Variants in CHL1 observed in about 807,000 individuals in gnomAD.
CHL1 encodes the protein cell adhesion molecule L1 like, also known as neural cell adhesion molecule L1-like protein.
CHL1 carries 96 observed loss-of-function variants against 141.9 expected under a neutral mutation model. That is an observed-to-expected ratio of 0.68 (90% CI 0.57 to 0.80). The LOEUF is 0.80. CHL1 is among the 30% of genes least tolerant of loss of function. The pLI, the probability that CHL1 is intolerant of heterozygous loss-of-function variation, is 0.00. For synonymous variants in CHL1, 613 were observed against 502.2 expected (o/e 1.22, Z -2.95); for missense variants, 1,820 against 1,457.2 (o/e 1.25, Z -4.05).
chr3:318,270 G>T (rs1192130761), intron 2 of CHL1, among the ~76,000 whole-genome samples: 1 of 151,762 alleles, frequency 6.6e-6, no homozygotes, highest in Non-Finnish European at 1.5e-5. Flanking sequence ...AATATCTTAA[G>T]ATGCAATTTA....
At position 342,006 on chromosome 3, in the gene CHL1, C is replaced by T. The variant is rs180907250; in HGVS notation, c.603C>T (p.Asp201=). 3 of 1,613,560 alleles carry T rather than the reference C, an allele frequency of 1.9e-6. No homozygotes were observed. The highest frequency in any genetic ancestry group is 1.3e-5 in the African/African-American group (1 of 75,028). The change falls in exon 7 of 28, where the codon GAC becomes GAT. Residue 201 remains aspartate, a synonymous_variant. Coordinates refer to ENST00000256509, the MANE Select transcript of CHL1 (RefSeq NM_006614.4). ...TGGAAGAAAAGGACAGTCGCAATGACTACTGTTGCTTTGCTGCATTTCCAA... is the reference window on the plus strand; with the variant it reads ...TGGAAGAAAAGGACAGTCGCAATGATTACTGTTGCTTTGCTGCATTTCCAA... ...ANVEEKDSRN[D]YCCFAAFPRL... is the part of the protein sequence containing the mutation.
intron 15 of CHL1, among the ~76,000 whole-genome samples, chr3:367,851 T>C (rs982081801): frequency 1.3e-5 from 2 of 152,026 alleles, no homozygotes; most frequent in Non-Finnish European, 2.9e-5. Flanking sequence ...CCATATGTTC[T>C]CATTGTTCTT....
chr3:331,725 A>G (rs1393692711), intron 5 of CHL1, among the ~76,000 whole-genome samples: 1 of 152,232 alleles, frequency 6.6e-6, no homozygotes, highest in Non-Finnish European at 1.5e-5. Context: ...GTATGTATTC[A>G]TAAATAATTT....
chr3:340,718 A>G, intron 5 of CHL1, 76 bp from the exon 6 acceptor site: 4 of 1,223,764 alleles, frequency 3.3e-6, no homozygotes, highest in South Asian at 1.5e-5. Flanking sequence ...TTGAAAAAAA[A>G]GAACATATTA....
Position 285,570 on chromosome 3 carries a change from A to G in CHL1, c.-94-34113A>G, listed in dbSNP as rs180674987. 3.1e-3 allele frequency among the ~76,000 whole-genome samples: 477 copies of G among 152,302 alleles called. 2 individuals are homozygous for G. The highest frequency in any genetic ancestry group is 0.011 in the African/African-American group (456 of 41,562). Reference sequence around the variant, plus strand: ...CAAGTCTCACTGGGCTCCAGAGAAGAAGCCTGACTCCTCCCCAGCTGTGTA... The same window carrying G: ...CAAGTCTCACTGGGCTCCAGAGAAGGAGCCTGACTCCTCCCCAGCTGTGTA... On this transcript the variant is annotated intron_variant, in intron 2 of 27. Coordinates refer to ENST00000256509, the MANE Select transcript of CHL1 (RefSeq NM_006614.4).
chr3:399,477 T>A (rs902462528), intron 26 of CHL1, among the ~76,000 whole-genome samples: 1 of 151,958 alleles, frequency 6.6e-6, no homozygotes, highest in Non-Finnish European at 1.5e-5. Flanking sequence ...CCGTCTCTAC[T>A]AAAAATACAA....
chr3:323,205 A>G lies in CHL1; in HGVS notation c.92-2754A>G, dbSNP rs542069255. Among the ~76,000 whole-genome samples, 5 of 152,176 alleles carry G rather than the reference A, an allele frequency of 3.3e-5. No homozygotes were observed. In the East Asian group the frequency reaches 9.7e-4, roughly 30 times the overall value. On this transcript the variant is annotated intron_variant, in intron 3 of 27. Transcript: ENST00000256509. ...ACCAAGTGAGCCCATTCATTTCAAG[A>G]TAAACAACTGACCATATATAAGGTC... is the stretch of plus-strand genomic sequence containing the variant.
Position 328,820 on chromosome 3 carries a change from G to A in CHL1, c.385+466G>A, listed in dbSNP as rs563679630. The stretch of plus-strand genomic sequence containing the variant: ...GCCTCTTGTGAAACATGCCATTTTG[G>A]TCAAAGAGTCTGGGACGAAACATGA... On this transcript the variant is annotated intron_variant, in intron 5 of 27. Transcript: ENST00000256509. Among the ~76,000 whole-genome samples, 9 of 152,188 alleles carry A rather than the reference G, an allele frequency of 5.9e-5. No individual in the cohort carries two copies. The South Asian group carries it at 8.3e-4, about 14-fold the overall frequency.
chr3:403,552 C>A (rs9874604), intron 27 of CHL1, among the ~76,000 whole-genome samples: 146,876 of 152,204 alleles, frequency 0.96, 71,021 homozygotes, highest in East Asian at 1. Context: ...ATCTCAACAA[C>A]AAAACAAAAA....
At chr3:269,525 C>A (rs905102897) in intron 2 of CHL1, among the ~76,000 whole-genome samples, 6 of 151,952 alleles carry the variant, frequency 3.9e-5, no homozygotes, top group Non-Finnish European at 5.9e-5. Context: ...AAGACTCTCT[C>A]TCTCTATATA....
chr3:316,291 C>A (rs554540753), intron 2 of CHL1, among the ~76,000 whole-genome samples: 1 of 151,848 alleles, frequency 6.6e-6, no homozygotes, highest in Admixed American at 6.6e-5. Context: ...AAAACCTTAC[C>A]GAGGACTCTA....
intron 27 of CHL1, among the ~76,000 whole-genome samples, chr3:403,928 G>C (rs868812729): frequency 2.0e-5 from 3 of 152,052 alleles, no homozygotes; most frequent in Admixed American, 1.3e-4. Flanking sequence ...TTCCTCAGCC[G>C]ATGCCTCATT....
At chr3:389,177 C>G in intron 19 of CHL1, 75 bp from the exon 20 acceptor site, 2 of 1,124,282 alleles carry the variant, frequency 1.8e-6, no homozygotes, top group Non-Finnish European at 1.3e-6. Flanking sequence ...CCTTATTCCA[C>G]TTAGGGTGGT....
intron 12 of CHL1, among the ~76,000 whole-genome samples, chr3:361,170 G>A (rs1389203560): frequency 2.0e-5 from 3 of 151,754 alleles, no homozygotes; most frequent in Middle Eastern, 3.4e-3. Context: ...CTAGCCATAT[G>A]TAGAAAGCTG....
At chr3:326,129 C>A in intron 4 of CHL1, 65 bp downstream of exon 4, 1 of 923,404 alleles carries the variant, frequency 1.1e-6, no homozygotes, top group Non-Finnish European at 1.7e-6. Flanking sequence ...GCTCTTTACT[C>A]TTACCATCAC....
At chr3:237,707 T>C (rs1341873798) in intron 1 of CHL1, among the ~76,000 whole-genome samples, 1 of 152,208 alleles carries the variant, frequency 6.6e-6, no homozygotes, top group Non-Finnish European at 1.5e-5. Context: ...TTAAAGTTAG[T>C]GGTACCCACA....
At chr3:235,221 T>G (rs1691850134) in intron 1 of CHL1, among the ~76,000 whole-genome samples, 1 of 152,060 alleles carries the variant, frequency 6.6e-6, no homozygotes, top group African/African-American at 2.4e-5. Flanking sequence ...AGAGTTTGCT[T>G]TAAAGGTGTA....
intron 19 of CHL1, among the ~76,000 whole-genome samples, chr3:387,305 G>A (rs929319387): frequency 2.0e-5 from 3 of 152,168 alleles, no homozygotes; most frequent in African/African-American, 7.2e-5. Flanking sequence ...CCTTCCTCGT[G>A]GGCTCCTTCA....
intron 2 of CHL1, among the ~76,000 whole-genome samples, chr3:294,351 G>T (rs79294474): frequency 6.6e-6 from 1 of 152,076 alleles, no homozygotes; most frequent in Non-Finnish European, 1.5e-5. Context: ...ACCTACATAC[G>T]TACTAGAATC....
Sources: gnomAD v4.1 joint callset for allele counts (sites outside exome capture counted in the v4.1 genomes callset) on GRCh38, gnomAD v4.1.1 for gene constraint, MANE v1.5 for transcripts, NCBI Gene and HGNC (gene_info 2026-07-23, HGNC 2026-07-21) for gene names.